Variants in RCBTB2 observed in about 807,000 individuals in gnomAD.
RCBTB2 encodes the protein RCC1 and BTB domain containing protein 2.
RCBTB2 carries 55 observed loss-of-function variants against 65.4 expected under a neutral mutation model. That is an observed-to-expected ratio of 0.84 (90% CI 0.68 to 1.05). The LOEUF (loss-of-function observed/expected upper bound fraction) is 1.05, where lower values mean the gene tolerates loss of function less well. Among genes scored for constraint, RCBTB2 ranks in the 50% least tolerant of loss-of-function variants. RCBTB2 has a pLI of 0.00. For synonymous variants in RCBTB2, 220 were observed against 255.2 expected (o/e 0.86, Z 1.31); for missense variants, 599 against 680.1 (o/e 0.88, Z 1.33).
At position 48,527,342 on chromosome 13, in the gene RCBTB2, ATATATATATGATATATATT is replaced by A. The variant is rs1318419628; in HGVS notation, c.-218-2604_-218-2586del. On this transcript the variant is annotated intron_variant, in intron 1 of 14. Transcript: ENST00000344532. The stretch of plus-strand genomic sequence containing the variant: ...GCTCATATATATATATATATGATAT[ATATATATATGATATATATT>A]TATATATGATATATATATATGATAT... 1.5e-4 allele frequency among the ~76,000 whole-genome samples: 19 copies of A among 124,022 alleles called. 1 individual carries two copies. Among genetic ancestry groups the A allele is most frequent in the African/African-American group, 7.6e-4 (15 of 19,838 alleles). The allele number at this position is 124,022 out of a possible 152,430, so 81.4% of individuals were successfully genotyped here.
intron 13 of RCBTB2, among the ~76,000 whole-genome samples, chr13:48,496,562 A>G (rs1949979867): frequency 6.6e-6 from 1 of 151,794 alleles, no homozygotes; most frequent in African/African-American, 2.4e-5. Flanking sequence ...GCACAGGGAA[A>G]ATAGCTTTAA....
chr13:48,511,856 C>T lies in RCBTB2; in HGVS notation c.697G>A (p.Gly233Arg), dbSNP rs1229869065. ...TGEVYVWGYN[G>R]NGQLGLGNSG... is the part of the protein sequence containing the mutation. ...TTGCCGAGTCCAAGCTGCCCGTTTC[C>T]GTTGTAACCCCAGACATAGACCTGA... The change falls in exon 9 of 15, where the codon GGA becomes AGA. Residue 233 changes from glycine to arginine, a missense_variant. Coordinates refer to ENST00000344532, the MANE Select transcript of RCBTB2 (RefSeq NM_001268.4). 3.1e-6 allele frequency: 5 copies of T among 1,614,152 alleles called. No homozygotes were observed. Among genetic ancestry groups the T allele is most frequent in the Non-Finnish European group, 4.2e-6 (5 of 1,180,046 alleles).
intron 13 of RCBTB2, among the ~76,000 whole-genome samples, chr13:48,498,730 C>CAA (rs548197482): frequency 4.2e-5 from 6 of 144,184 alleles, no homozygotes; most frequent in African/African-American, 1.3e-4. Context: ...AACTCTGTCT[C>CAA]AAAAAAAAAA....
At chr13:48,512,234 C>T in intron 7 of RCBTB2, 60 bp from the exon 8 acceptor site, 1 of 1,450,550 alleles carries the variant, frequency 6.9e-7, no homozygotes, top group Admixed American at 1.8e-5. Flanking sequence ...CTCAACTGGA[C>T]ACTGACATGT....
At chr13:48,492,169 A>G (rs1949725727) in intron 14 of RCBTB2, among the ~76,000 whole-genome samples, 1 of 151,994 alleles carries the variant, frequency 6.6e-6, no homozygotes, top group South Asian at 2.1e-4. Flanking sequence ...AACCAGAATC[A>G]CTTGAAAAGA....
intron 4 of RCBTB2, among the ~76,000 whole-genome samples, chr13:48,520,924 T>C (rs1951390156): frequency 6.6e-6 from 1 of 151,086 alleles, no homozygotes; most frequent in African/African-American, 2.5e-5. Context: ...ATTATATTCA[T>C]TATATCTTAT....
intron 1 of RCBTB2, among the ~76,000 whole-genome samples, chr13:48,527,389 A>C (rs1471031007): frequency 1.4e-5 from 2 of 144,840 alleles, no homozygotes; most frequent in African/African-American, 2.7e-5. Context: ...TATGATATAT[A>C]TTTATATTAA....
At chr13:48,501,625 A>G in intron 12 of RCBTB2, 117 bp downstream of exon 12, 1 of 780,272 alleles carries the variant, frequency 1.3e-6, no homozygotes, top group South Asian at 1.7e-5. Context: ...TGCTTGTAAG[A>G]GCAAAAACAG....
intron 10 of RCBTB2, 126 bp from the exon 11 acceptor site, chr13:48,503,040 A>G: frequency 1.0e-6 from 1 of 977,546 alleles, no homozygotes; most frequent in Non-Finnish European, 1.5e-6. Context: ...GAAAAGGAAA[A>G]AACAAAACAA....
chr13:48,526,752 C>T (rs1253587707), intron 1 of RCBTB2, among the ~76,000 whole-genome samples: 2 of 151,692 alleles, frequency 1.3e-5, no homozygotes, highest in African/African-American at 2.4e-5. Flanking sequence ...CCCATCCCTA[C>T]TAAAAATACA....
At chr13:48,508,312 G>C (rs1427323342) in intron 10 of RCBTB2, among the ~76,000 whole-genome samples, 1 of 152,200 alleles carries the variant, frequency 6.6e-6, no homozygotes, top group African/African-American at 2.4e-5. Context: ...GCCCGTGATT[G>C]AGTGCCTGGT....
At chr13:48,493,315 A>ACACACAC (rs759504798) in intron 14 of RCBTB2, among the ~76,000 whole-genome samples, 1 of 75,028 alleles carries the variant, frequency 1.3e-5, no homozygotes, top group African/African-American at 6.0e-5. Context: ...ACACACACAC[A>ACACACAC]CTCTCTCTCT....
In RCBTB2 at chr13:48,512,742, G is replaced by C. The variant is rs762962219; in HGVS notation, c.503C>G (p.Thr168Arg). ...GACTGTTCTCACCTCTCCATCAGAT[G>C]TTAGCACCAAAGAATGGTAAGACCC... Reference protein sequence around the residue: ...ACGSYHSLVLTSDGEVFAWGY... With the variant: ...ACGSYHSLVLRSDGEVFAWGY... The change falls in exon 7 of 15, where the codon ACA becomes AGA. Residue 168 changes from threonine to arginine, a missense_variant. Physicochemically the swap from Thr to Arg is moderately conservative, Grantham distance 71. Transcript: ENST00000344532. 6.2e-7 allele frequency: 1 copy of C among 1,613,770 alleles called. No homozygotes were observed. The highest frequency in any genetic ancestry group is 8.5e-7 in the Non-Finnish European group (1 of 1,179,824).
intron 1 of RCBTB2, among the ~76,000 whole-genome samples, chr13:48,526,183 C>T (rs1312037211): frequency 2.0e-5 from 3 of 152,082 alleles, no homozygotes; most frequent in Non-Finnish European, 4.4e-5. Flanking sequence ...CATGGAAATT[C>T]AATAAACGTT....
At chr13:48,529,276 C>T (rs920105447) in intron 1 of RCBTB2, among the ~76,000 whole-genome samples, 3 of 152,144 alleles carry the variant, frequency 2.0e-5, no homozygotes, top group African/African-American at 7.2e-5. Context: ...AACACGCCTG[C>T]TACAGAGATC....
chr13:48,527,600 C>T (rs1023813299), intron 1 of RCBTB2, among the ~76,000 whole-genome samples: 3 of 151,992 alleles, frequency 2.0e-5, no homozygotes, highest in South Asian at 2.1e-4. Flanking sequence ...ATGGGACACT[C>T]GGTGGCCAGT....
At chr13:48,514,480 T>C (rs1034608313) in intron 6 of RCBTB2, among the ~76,000 whole-genome samples, 3 of 152,226 alleles carry the variant, frequency 2.0e-5, no homozygotes, top group African/African-American at 7.2e-5. Flanking sequence ...AACGGGAGAC[T>C]ACTGTATATC....
At chr13:48,521,024 G>C (rs934040184) in intron 4 of RCBTB2, among the ~76,000 whole-genome samples, 1 of 152,024 alleles carries the variant, frequency 6.6e-6, no homozygotes, top group South Asian at 2.1e-4. Flanking sequence ...TCACTATGTA[G>C]TAATAATATA....
chr13:48,507,373 T>G (rs1390849289), intron 10 of RCBTB2, among the ~76,000 whole-genome samples: 1 of 152,258 alleles, frequency 6.6e-6, no homozygotes, highest in Non-Finnish European at 1.5e-5. Flanking sequence ...GTTCCAATTT[T>G]CCAGCCAGAC....
Sources: allele counts gnomAD v4.1 joint callset (sites outside exome capture counted in the v4.1 genomes callset), GRCh38; gene constraint gnomAD v4.1.1; transcripts MANE v1.5; gene names NCBI Gene and HGNC (gene_info 2026-07-23, HGNC 2026-07-21).